Variants in ABHD12 observed in about 807,000 individuals in gnomAD.
ABHD12 encodes the protein abhydrolase domain containing 12, lysophospholipase.
In ABHD12, 43 loss-of-function variants were observed where a neutral mutation model predicts 58.3. That is an observed-to-expected ratio of 0.74 (90% CI 0.58 to 0.95). The LOEUF is 0.95. Among genes scored for constraint, ABHD12 ranks in the 40% least tolerant of loss-of-function variants. ABHD12 has a pLI of 0.00. For missense variants in ABHD12, 539 were observed against 537.2 expected, an observed-to-expected ratio of 1.00 and a Z score of -0.03; for synonymous variants, 219 against 211.2, an observed-to-expected ratio of 1.04 and a Z score of -0.32.
Position 25,359,436 on chromosome 20 carries a change from A to AAC in ABHD12, c.192-20086_192-20085insGT, listed in dbSNP as rs1333348135. Among the ~76,000 whole-genome samples the AAC allele has an allele frequency of 1.5e-4, 22 of 142,342 alleles. No homozygotes were observed. In the East Asian group the frequency reaches 4.3e-3, roughly 28 times the overall value. 93.4% of individuals were successfully genotyped at this position (142,342 alleles called of 152,430 possible). ...GAGACTCCGTCTCAAAAAAAAAAAAAAAAAAAAAACATTTCTATTTCACTG... is the reference window on the plus strand; with the variant it reads ...GAGACTCCGTCTCAAAAAAAAAAAAAACAAAAAAAAACATTTCTATTTCACTG... On this transcript the variant is annotated intron_variant, in intron 1 of 12. Coordinates refer to ENST00000339157, the MANE Select transcript of ABHD12 (RefSeq NM_001042472.3).
chr20:25,336,305 T>A (rs1361221612), intron 2 of ABHD12, among the ~76,000 whole-genome samples: 1 of 89,644 alleles, frequency 1.1e-5, no homozygotes, highest in African/African-American at 6.5e-5. Flanking sequence ...CTATTCAGGG[T>A]TCTTTTTTTT....
chr20:25,306,915 T>G lies in ABHD12; in HGVS notation c.868A>C (p.Ile290Leu), dbSNP rs759355530. 11 of 1,606,820 alleles carry G rather than the reference T, an allele frequency of 6.8e-6. No homozygotes were observed. In the South Asian group the frequency reaches 1.2e-4, roughly 18 times the overall value. ...TCAAACCCAGGGAAGTATCGATATA[T>G]CTGGAGACAAGATGGAAACCATTTT... ...EEAKSHPFSV[I>L]YRYFPGFDWF... is the part of the protein sequence containing the mutation. Residue 290 changes from isoleucine (I) to leucine (L), a missense_variant and splice_region_variant, in exon 10 of 13, where the codon ATA becomes CTA. Coordinates refer to ENST00000339157, the MANE Select transcript of ABHD12 (RefSeq NM_001042472.3).
intron 1 of ABHD12, among the ~76,000 whole-genome samples, chr20:25,354,240 T>C (rs948153984): frequency 2.0e-5 from 3 of 152,174 alleles, no homozygotes; most frequent in Non-Finnish European, 4.4e-5. Context: ...AACCAGAATC[T>C]GGCCTGAAGG....
intron 2 of ABHD12, among the ~76,000 whole-genome samples, chr20:25,331,190 G>A (rs542511156): frequency 1.7e-4 from 26 of 152,344 alleles, no homozygotes; most frequent in East Asian, 1.5e-3. Context: ...GAGCCAATGC[G>A]ATCAACTGGA....
At chr20:25,335,064 AG>A (rs1190020918) in intron 2 of ABHD12, among the ~76,000 whole-genome samples, 2 of 150,812 alleles carry the variant, frequency 1.3e-5, no homozygotes, top group Non-Finnish European at 3.0e-5. Context: ...CATCTGACAA[AG>A]GGCTAATATC....
intron 1 of ABHD12, among the ~76,000 whole-genome samples, chr20:25,383,201 T>C (rs1285533777): frequency 1.3e-5 from 2 of 152,194 alleles, no homozygotes; most frequent in African/African-American, 2.4e-5. Flanking sequence ...GATGTTAACC[T>C]CAGCCACCCA....
At chr20:25,321,166 T>C (rs554373044) in intron 3 of ABHD12, among the ~76,000 whole-genome samples, 9 of 152,282 alleles carry the variant, frequency 5.9e-5, no homozygotes, top group Non-Finnish European at 1.2e-4. Context: ...CTAGTCACTA[T>C]GATCATCACT....
At chr20:25,302,488 AC>A (rs1159538473) in intron 11 of ABHD12, 142 bp from the exon 12 acceptor site, 41 of 1,128,642 alleles carry the variant, frequency 3.6e-5, no homozygotes, top group Non-Finnish European at 4.8e-5. Flanking sequence ...GCCGGTCACG[AC>A]CAGGAGGCCC....
chr20:25,322,381 A>ATATATTTT, intron 3 of ABHD12, among the ~76,000 whole-genome samples: 1 of 59,270 alleles, frequency 1.7e-5, no homozygotes, highest in South Asian at 5.8e-4. Context: ...ATATATATAT[A>ATATATTTT]TTTTTTTTTT....
At chr20:25,389,100 C>T (rs543472250) in intron 1 of ABHD12, among the ~76,000 whole-genome samples, 104 of 152,310 alleles carry the variant, frequency 6.8e-4, no homozygotes, top group Admixed American at 1.6e-3. Context: ...GCCACCGCGC[C>T]CGGCAATTTG....
In ABHD12 at chr20:25,323,377, G is replaced by C. The variant is rs1568728482; in HGVS notation, c.370C>G (p.His124Asp). The change falls in exon 3 of 13, where the codon CAC becomes GAC. Residue 124 changes from histidine (H) to aspartate (D), a missense_variant. Physicochemically the swap from His to Asp is moderately conservative, Grantham distance 81. Coordinates refer to ENST00000339157, the MANE Select transcript of ABHD12 (RefSeq NM_001042472.3). The part of the protein sequence containing the change: ...LKKPQDQGLN[H>D]TCNYYLQPEE... ...GGCTGCAGGTAGTAGTTACACGTGT[G>C]ATTCAAACCTTGATCCTGTGGTTTT... 6.2e-7 allele frequency: 1 copy of C among 1,614,142 alleles called. No homozygotes were observed. Among genetic ancestry groups the C allele is most frequent in the Non-Finnish European group, 8.5e-7 (1 of 1,179,972 alleles).
At chr20:25,303,480 A>G (rs1448608224) in intron 11 of ABHD12, 70 bp downstream of exon 11, 1 of 1,593,028 alleles carries the variant, frequency 6.3e-7, no homozygotes, top group Non-Finnish European at 8.5e-7. Context: ...GCCCACTCCC[A>G]GCCTGGTCCA....
chr20:25,337,838 T>A (rs551158758), intron 2 of ABHD12, among the ~76,000 whole-genome samples: 1 of 152,392 alleles, frequency 6.6e-6, no homozygotes, highest in African/African-American at 2.4e-5. Context: ...CATTTTGGTA[T>A]ACTGTTAGTT....
chr20:25,296,290 C>T (rs977176820), downstream of ABHD12: 8 of 1,545,746 alleles, frequency 5.2e-6, no homozygotes, highest in Admixed American at 8.4e-5. Flanking sequence ...TGGAAACAGT[C>T]CTAAAGTTCT....
At chr20:25,312,810 G>A (rs1338034120) in intron 6 of ABHD12, among the ~76,000 whole-genome samples, 2 of 149,102 alleles carry the variant, frequency 1.3e-5, no homozygotes, top group Admixed American at 1.3e-4. Flanking sequence ...GGGATGTGAG[G>A]AGCGCCTCTG....
chr20:25,372,367 C>T (rs749634384), intron 1 of ABHD12, among the ~76,000 whole-genome samples: 2 of 152,038 alleles, frequency 1.3e-5, no homozygotes, highest in African/African-American at 2.4e-5. Context: ...TTTGACTTTT[C>T]GTAAAGATGG....
At chr20:25,330,083 T>C (rs1161769683) in intron 2 of ABHD12, among the ~76,000 whole-genome samples, 1 of 152,192 alleles carries the variant, frequency 6.6e-6, no homozygotes, top group Non-Finnish European at 1.5e-5. Context: ...TGCCAGACAG[T>C]GGGCGCAGGT....
At chr20:25,379,536 C>A (rs1050172800) in intron 1 of ABHD12, among the ~76,000 whole-genome samples, 1 of 152,180 alleles carries the variant, frequency 6.6e-6, no homozygotes, top group Non-Finnish European at 1.5e-5. Context: ...CCTCAGAACA[C>A]TGGGTCCCAT....
rs2424708 is a variant in ABHD12 at position 25,300,762 on chromosome 20, C to A, written c.*83G>T. The A allele has an allele frequency of 6.2e-7, 1 of 1,609,104 alleles. No homozygotes were observed. ...CTGAGCATTGCAGGTGCCGGCCCCCCGGGGCTTCAGGATACCGGGCTGCTG... is the reference window on the plus strand; with the variant it reads ...CTGAGCATTGCAGGTGCCGGCCCCCAGGGGCTTCAGGATACCGGGCTGCTG... On this transcript the variant is annotated 3_prime_UTR_variant, in exon 13 of 13. Coordinates refer to ENST00000339157, the MANE Select transcript of ABHD12 (RefSeq NM_001042472.3).
Sources: allele counts gnomAD v4.1 joint callset (sites outside exome capture counted in the v4.1 genomes callset), GRCh38; gene constraint gnomAD v4.1.1; transcripts MANE v1.5; gene names NCBI Gene and HGNC (gene_info 2026-07-23, HGNC 2026-07-21).